SOX5: variants seen among roughly 807,000 people sequenced by gnomAD.
The protein encoded by SOX5 is transcription factor SOX-5.
Under a neutral mutation model 92.0 loss-of-function variants are expected in SOX5, and 9 were observed. The observed-to-expected ratio is 0.10, with a 90% CI of 0.06 to 0.17. The LOEUF is 0.17. Among genes scored for constraint, SOX5 ranks in the 10% least tolerant of loss-of-function variants. SOX5 has a pLI of 1.00. For missense variants in SOX5, 642 were observed against 944.5 expected, an observed-to-expected ratio of 0.68 and a Z score of 4.20; for synonymous variants, 344 against 336.3, an observed-to-expected ratio of 1.02 and a Z score of -0.25.
At chr12:23,789,445 C>T (rs2095433685) in intron 3 of SOX5, among the ~76,000 whole-genome samples, 1 of 151,892 alleles carries the variant, frequency 6.6e-6, no homozygotes, top group Non-Finnish European at 1.5e-5. Flanking sequence ...AGAGTGTGAA[C>T]CAGTTTTATT....
chr12:23,681,816 T>G (rs113568772), intron 6 of SOX5, among the ~76,000 whole-genome samples: 5 of 151,962 alleles, frequency 3.3e-5, no homozygotes, highest in African/African-American at 1.2e-4. Flanking sequence ...TTTAATGTAT[T>G]TTAAAACATT....
intron 3 of SOX5, among the ~76,000 whole-genome samples, chr12:23,783,514 G>C (rs1237761599): frequency 6.6e-6 from 1 of 152,130 alleles, no homozygotes; most frequent in Non-Finnish European, 1.5e-5. Context: ...GAGGAATTAA[G>C]TTGAAATAGA....
intron 6 of SOX5, among the ~76,000 whole-genome samples, chr12:23,693,672 T>C (rs1247096486): frequency 6.6e-6 from 1 of 152,196 alleles, no homozygotes; most frequent in African/African-American, 2.4e-5. Context: ...TTAACCTTGA[T>C]GATTTAACAT....
chr12:24,228,498 T>C (rs1962592680), intron 3 of SOX5, among the ~76,000 whole-genome samples: 1 of 152,150 alleles, frequency 6.6e-6, no homozygotes, highest in Non-Finnish European at 1.5e-5. Context: ...TTTTTTAAGC[T>C]CTATGTGTTT....
chr12:23,718,538 T>C lies in SOX5; in HGVS notation c.810+16146A>G, dbSNP rs1249049879. On this transcript the variant is annotated intron_variant, in intron 6 of 14. Transcript: ENST00000451604. ...TAGGATGATTGCAAAATACAATGTT[T>C]TTATAAACCATGTTTAATCTCTCAT... 2.0e-5 allele frequency among the ~76,000 whole-genome samples: 3 copies of C among 152,212 alleles called. No individual in the cohort carries two copies. The East Asian group carries it at 5.8e-4, about 29-fold the overall frequency.
intron 4 of SOX5, among the ~76,000 whole-genome samples, chr12:23,747,028 A>G (rs2094007977): frequency 6.6e-6 from 1 of 152,012 alleles, no homozygotes; most frequent in Admixed American, 6.6e-5. Flanking sequence ...GCCATGTGGA[A>G]CTGTAAGTTC....
rs562010132 is a variant in SOX5 at position 23,546,049 on chromosome 12, C to T, written c.1597+267G>A. On this transcript the variant is annotated intron_variant, in intron 12 of 14. Coordinates refer to ENST00000451604, the MANE Select transcript of SOX5 (RefSeq NM_006940.6). ...GCCTCTGACACTTAGAGCCCTGTGACCTGGGGAAAATGCTTCAAAACTCCT... is the reference window on the plus strand; with the variant it reads ...GCCTCTGACACTTAGAGCCCTGTGATCTGGGGAAAATGCTTCAAAACTCCT... Among the ~76,000 whole-genome samples the T allele has an allele frequency of 7.2e-5, 11 of 152,170 alleles. No individual in the cohort carries two copies. The East Asian group carries it at 9.7e-4, about 13-fold the overall frequency.
intron 4 of SOX5, among the ~76,000 whole-genome samples, chr12:24,002,756 A>G (rs1414590816): frequency 6.6e-6 from 1 of 152,122 alleles, no homozygotes; most frequent in Non-Finnish European, 1.5e-5. Context: ...TTAGAGAGGA[A>G]ACAGTACCAG....
chr12:23,752,862 G>T (rs181125544), intron 4 of SOX5, among the ~76,000 whole-genome samples: 178 of 151,894 alleles, frequency 1.2e-3, no homozygotes, highest in East Asian at 3.9e-4. Context: ...AAACTGTTTT[G>T]TTCTGCAAAA....
intron 3 of SOX5, among the ~76,000 whole-genome samples, chr12:24,241,020 TAG>T (rs1479704587): frequency 6.6e-6 from 1 of 152,166 alleles, no homozygotes; most frequent in Non-Finnish European, 1.5e-5. Flanking sequence ...TGCCATGAAA[TAG>T]AAAGATTGGT....
At chr12:24,405,805 G>T (rs1019162290) in intron 1 of SOX5, among the ~76,000 whole-genome samples, 5 of 152,146 alleles carry the variant, frequency 3.3e-5, no homozygotes, top group Non-Finnish European at 5.9e-5. Context: ...AAGAAATTGA[G>T]AACTATGGAT....
At chr12:24,068,173 G>A (rs1442791747) in intron 4 of SOX5, among the ~76,000 whole-genome samples, 1 of 152,020 alleles carries the variant, frequency 6.6e-6, no homozygotes, top group East Asian at 1.9e-4. Flanking sequence ...AAAACTTAAA[G>A]GGTAATAAGT....
intron 2 of SOX5, among the ~76,000 whole-genome samples, chr12:23,885,657 A>T (rs1213443984): frequency 4.6e-5 from 7 of 152,142 alleles, no homozygotes; most frequent in African/African-American, 9.7e-5. Flanking sequence ...ATCACACCTC[A>T]TCTGCTTACA....
rs1204400661 is a variant in SOX5, at chr12:24,095,114, C to G, written c.-2+118229G>C. Among the ~76,000 whole-genome samples, 5 of 96,608 alleles carry G rather than the reference C, an allele frequency of 5.2e-5. No individual in the cohort carries two copies. The East Asian group carries it at 1.4e-3, about 28-fold the overall frequency. 63.4% of individuals were successfully genotyped at this position (96,608 alleles called of 152,430 possible). A position where few individuals can be genotyped will look rare whatever the true frequency, so the allele number is the denominator to read the frequency against. ...AAACACACACACACACACACACACA[C>G]ACACACACACACACAGAGAGAGAGA... On this transcript the variant is annotated intron_variant, in intron 4 of 4. Transcript: ENST00000446891.
intron 1 of SOX5, among the ~76,000 whole-genome samples, chr12:24,420,845 GA>G (rs1173219687): frequency 6.6e-6 from 1 of 152,112 alleles, no homozygotes; most frequent in African/African-American, 2.4e-5. Flanking sequence ...AAACTTATCT[GA>G]TCAACTCTCT....
At chr12:23,793,383 G>A (rs575218780) in intron 3 of SOX5, among the ~76,000 whole-genome samples, 20 of 152,080 alleles carry the variant, frequency 1.3e-4, no homozygotes, top group Non-Finnish European at 2.6e-4. Context: ...AGCTTATAAA[G>A]AAAATAACCC....
At chr12:24,011,854 G>A (rs1952979727) in intron 4 of SOX5, among the ~76,000 whole-genome samples, 1 of 151,962 alleles carries the variant, frequency 6.6e-6, no homozygotes, top group Non-Finnish European at 1.5e-5. Context: ...TATTAACATG[G>A]AACATTTCCT....
intron 10 of SOX5, among the ~76,000 whole-genome samples, chr12:23,570,933 ATATATATAT>A (rs1948217395): frequency 6.5e-3 from 53 of 8,200 alleles, no homozygotes; most frequent in Middle Eastern, 0.083. Context: ...AAAAAAAAAT[ATATATATAT>A]ATATATATAT....
chr12:23,539,779 C>T (rs2135954831), intron 13 of SOX5, among the ~76,000 whole-genome samples: 1 of 152,172 alleles, frequency 6.6e-6, no homozygotes, highest in African/African-American at 2.4e-5. Context: ...TCCTAAATTA[C>T]ACTTTAAAAT....
Sources: allele counts gnomAD v4.1 joint callset (sites outside exome capture counted in the v4.1 genomes callset), GRCh38; gene constraint gnomAD v4.1.1; transcripts MANE v1.5; gene names NCBI Gene and HGNC (gene_info 2026-07-23, HGNC 2026-07-21).